The following OR8B3 variants were observed in gnomAD, a reference collection of about 807,000 sequenced individuals.
OR8B3 encodes olfactory receptor 8B3.
For missense variants in OR8B3, 278 were observed against 377.6 expected (o/e 0.74, Z 2.19); for synonymous variants, 102 against 135.4 (o/e 0.75, Z 1.71).
chr11:124,397,447 C>G, intron 1 of OR8B3, 79 bp from the exon 2 acceptor site: 3 of 668,342 alleles, frequency 4.5e-6, no homozygotes, highest in Non-Finnish European at 7.5e-6. Context: ...GGGACTCAGG[C>G]TGTAGGAATT....
At chr11:124,400,153 A>G (rs1860968422), upstream of OR8B3, among the ~76,000 whole-genome samples, 1 of 151,996 alleles carries the variant, frequency 6.6e-6, no homozygotes, top group East Asian at 1.9e-4. Flanking sequence ...GAGTCACCAT[A>G]CCCAGCCAAA....
chr11:124,398,587 A>T (rs1007296139), intron 1 of OR8B3, 103 bp downstream of exon 1: 2 of 152,244 alleles, frequency 1.3e-5, no homozygotes, highest in Non-Finnish European at 2.9e-5. Flanking sequence ...CAAGCCCAAG[A>T]GTCAGAGCTC....
At chr11:124,405,994 T>TGCACAGTGCTACAAAAGGAAAGTCCAGGG in the OR8B3 span, among the ~76,000 whole-genome samples, 2 of 152,200 alleles carry the variant, frequency 1.3e-5, no homozygotes, top group Non-Finnish European at 2.9e-5. Flanking sequence ...CTGGAGTCTA[T>TGCACAGTGCTACAAAAGGAAAGTCCAGGG]GCACAGTGCT....
Position 124,398,782 on chromosome 11 carries a change from T to C in OR8B3, c.-110A>G, listed in dbSNP as rs1591437147. ...AGAAATGGCTGTGAAGGTATCTATGTTGATCAGATGTAGTCACAGAATCTT... is the reference window on the plus strand; with the variant it reads ...AGAAATGGCTGTGAAGGTATCTATGCTGATCAGATGTAGTCACAGAATCTT... On this transcript the variant is annotated 5_prime_UTR_variant, in exon 1 of 2. Transcript: ENST00000641139. The C allele has an allele frequency of 6.6e-6, 1 of 152,370 alleles. No individual in the cohort carries two copies. The highest frequency in any genetic ancestry group is 1.9e-4 in the East Asian group (1 of 5,192). 9.4% of individuals were successfully genotyped at this position (152,370 alleles called of 1,614,324 possible).
Position 124,396,359 on chromosome 11 carries a change from C to T in OR8B3, c.*51G>A, listed in dbSNP as rs1471044381. The T allele has an allele frequency of 2.0e-6, 3 of 1,468,218 alleles. No individual in the cohort carries two copies. Among genetic ancestry groups the T allele is most frequent in the Non-Finnish European group, 2.8e-6 (3 of 1,088,610 alleles). The allele number at this position is 1,468,218 out of a possible 1,614,324, so 90.9% of individuals were successfully genotyped here. A position where few individuals can be genotyped will look rare whatever the true frequency, so the allele number is the denominator to read the frequency against. ...CAACAAAATCTCTTCATGGAACACA[C>T]TAATAAAAATTTAAAGTTCTTCAAT... On this transcript the variant is annotated 3_prime_UTR_variant, in exon 2 of 2. Transcript: ENST00000641139.
chr11:124,396,493 G>C lies in OR8B3; in HGVS notation c.859C>G (p.Leu287Val). The C allele has an allele frequency of 1.9e-6, 3 of 1,614,112 alleles. No individual in the cohort carries two copies. Among genetic ancestry groups the C allele is most frequent in the Non-Finnish European group, 2.5e-6 (3 of 1,180,036 alleles). The change falls in exon 2 of 2, where the codon CTC becomes GTC. Residue 287 changes from leucine (L) to valine (V), a missense_variant. Leu to Val is a conservative substitution (Grantham distance 32). Coordinates refer to ENST00000641139, the MANE Select transcript of OR8B3 (RefSeq NM_001005467.2). ...TCCTTGTTCCTCAAACTGTAGATGA[G>C]AGGATTGAGCATGGGCACCACATTA... Reference protein sequence around the residue: ...YTNVVPMLNPLIYSLRNKDVK... With the variant: ...YTNVVPMLNPVIYSLRNKDVK...
At chr11:124,406,991 A>C in the OR8B3 span, among the ~76,000 whole-genome samples, 1 of 152,092 alleles carries the variant, frequency 6.6e-6, no homozygotes, top group Non-Finnish European at 1.5e-5. Flanking sequence ...CCATGAAGCA[A>C]ATGTTTTTGG....
the OR8B3 span, chr11:124,405,233 A>G: frequency 6.6e-6 from 1 of 152,162 alleles, no homozygotes; most frequent in African/African-American, 2.4e-5. Context: ...ACTTACAGCA[A>G]GTGATCCAAG....
rs761324011 is a variant in OR8B3 at position 124,396,448 on chromosome 11, T to C, written c.904A>G (p.Lys302Glu). 6.2e-7 allele frequency: 1 copy of C among 1,611,716 alleles called. No homozygotes were observed. The highest frequency in any genetic ancestry group is 1.1e-5 in the South Asian group (1 of 90,110). Residue 302 changes from lysine to glutamate, a missense_variant, in exon 2 of 2, where the codon AAA becomes GAA. Physicochemically the swap from Lys to Glu is moderately conservative, Grantham distance 56. Transcript: ENST00000641139. ...RNKDVKVALR[K>E]ALIKIQRRNI... Reference sequence around the variant, plus strand: ...CTTCTCTGAATTTTAATCAGAGCTTTCCTCAGTGCAACTTTGACATCCTTG... The same window carrying C: ...CTTCTCTGAATTTTAATCAGAGCTTCCCTCAGTGCAACTTTGACATCCTTG...
upstream of OR8B3, among the ~76,000 whole-genome samples, chr11:124,399,284 AT>A (rs961506441): frequency 2.0e-5 from 3 of 150,168 alleles, no homozygotes; most frequent in African/African-American, 7.4e-5. Context: ...TTATATGCTC[AT>A]TTTTAATATT....
chr11:124,406,338 G>T, the OR8B3 span, among the ~76,000 whole-genome samples: 1 of 152,090 alleles, frequency 6.6e-6, no homozygotes, highest in Admixed American at 6.6e-5. Context: ...GAAAGTATTA[G>T]AACACTGCCT....
chr11:124,402,759 A>C (rs1382772310), upstream of OR8B3, among the ~76,000 whole-genome samples: 4 of 152,206 alleles, frequency 2.6e-5, no homozygotes. Context: ...AGATTTCTGC[A>C]TGGTAGAGTA....
At chr11:124,403,557 C>T (rs1258026194), upstream of OR8B3, among the ~76,000 whole-genome samples, 5 of 151,666 alleles carry the variant, frequency 3.3e-5, no homozygotes, top group East Asian at 1.9e-4. Context: ...AGACGATGGG[C>T]GGCCGGGCAG....
chr11:124,399,658 G>A (rs552462894), upstream of OR8B3, among the ~76,000 whole-genome samples: 6 of 152,236 alleles, frequency 3.9e-5, no homozygotes, highest in East Asian at 1.9e-4. Context: ...AAAGTCATAC[G>A]TAGATTCCCT....
At chr11:124,406,510 A>G in the OR8B3 span, among the ~76,000 whole-genome samples, 3 of 152,150 alleles carry the variant, frequency 2.0e-5, no homozygotes, top group South Asian at 6.2e-4. Context: ...TGCAGTCAGC[A>G]TTTTCTTATG....
In OR8B3 at chr11:124,396,782, G is replaced by A. The variant is rs776342052; in HGVS notation, c.570C>T (p.Thr190=). 3.1e-6 allele frequency: 5 copies of A among 1,613,288 alleles called. No individual in the cohort carries two copies. The highest frequency in any genetic ancestry group is 1.7e-4 in the Middle Eastern group (1 of 6,052). Residue 190 remains threonine (T), a synonymous_variant, in exon 2 of 2, where the codon ACC becomes ACT. Coordinates refer to ENST00000641139, the MANE Select transcript of OR8B3 (RefSeq NM_001005467.2). ...CAACCACCTCGTTGACATAGGTGCT[G>A]GTGCAGGAAAGCTGGAGGAGGGGGA... is the stretch of plus-strand genomic sequence containing the variant. ...DILPLLQLSC[T]STYVNEVVVL...
chr11:124,407,138 C>G, the OR8B3 span, among the ~76,000 whole-genome samples: 1 of 152,090 alleles, frequency 6.6e-6, no homozygotes, highest in African/African-American at 2.4e-5. Flanking sequence ...ATTTCATCTT[C>G]TCAAAAATGT....
Position 124,396,867 on chromosome 11 carries a change from C to A in OR8B3, c.485G>T (p.Cys162Phe). 2.3e-5 allele frequency: 37 copies of A among 1,608,448 alleles called. No homozygotes were observed. The highest frequency in any genetic ancestry group is 3.1e-5 in the Non-Finnish European group (37 of 1,176,702). ...GLAGATAHTG[C>F]MLRLTFCSAN... is the part of the protein sequence containing the mutation. ...ACTGCAGAAGGTGAGTCTAAGCATGCACCCGGTGTGGGCCGTGGCTCCAGC... is the reference window on the plus strand; with the variant it reads ...ACTGCAGAAGGTGAGTCTAAGCATGAACCCGGTGTGGGCCGTGGCTCCAGC... The change falls in exon 2 of 2, where the codon TGC becomes TTC. Residue 162 changes from cysteine to phenylalanine, a missense_variant. By Grantham distance (205) the Cys-to-Phe change is radical. Transcript: ENST00000641139.
chr11:124,396,367 A>C lies in OR8B3; in HGVS notation c.*43T>G, dbSNP rs750172833. Reference sequence around the variant, plus strand: ...TCTCTTCATGGAACACACTAATAAAAATTTAAAGTTCTTCAATCGTTTTAC... The same window carrying C: ...TCTCTTCATGGAACACACTAATAAACATTTAAAGTTCTTCAATCGTTTTAC... On this transcript the variant is annotated 3_prime_UTR_variant, in exon 2 of 2. Transcript: ENST00000641139. 4.0e-6 allele frequency: 6 copies of C among 1,517,978 alleles called. No homozygotes were observed. The highest frequency in any genetic ancestry group is 2.8e-5 in the African/African-American group (2 of 71,390). 94.0% of individuals were successfully genotyped at this position (1,517,978 alleles called of 1,614,324 possible).
Sources: allele counts gnomAD v4.1 joint callset (sites outside exome capture counted in the v4.1 genomes callset), GRCh38; gene constraint gnomAD v4.1.1; transcripts MANE v1.5; gene names NCBI Gene and HGNC (gene_info 2026-07-23, HGNC 2026-07-21).